TESK2: variants seen among roughly 807,000 people sequenced by gnomAD.
TESK2 encodes the protein testis associated actin remodelling kinase 2, also known as dual specificity testis-specific protein kinase 2.
TESK2 carries 39 observed loss-of-function variants against 57.1 expected under a neutral mutation model. The ratio of observed to expected loss-of-function variants is 0.68; its 90% CI spans 0.53 to 0.89. TESK2 has a LOEUF of 0.89. Ranked by LOEUF, TESK2 falls within the 40% of genes least tolerant of loss-of-function variation. The pLI, the probability that TESK2 is intolerant of heterozygous loss-of-function variation, is 0.00. For synonymous variants in TESK2, 249 were observed against 267.9 expected (o/e 0.93, Z 0.69); for missense variants, 646 against 732.1 (o/e 0.88, Z 1.36).
intron 4 of TESK2, among the ~76,000 whole-genome samples, chr1:45,363,928 AGTT>A (rs1040725598): frequency 3.6e-4 from 55 of 152,298 alleles, no homozygotes; most frequent in African/African-American, 1.3e-3. Flanking sequence ...TAACCCACAG[AGTT>A]GTTGTGAAGA....
chr1:45,409,363 A>G (rs560027172), intron 3 of TESK2, among the ~76,000 whole-genome samples: 10 of 152,324 alleles, frequency 6.6e-5, no homozygotes, highest in African/African-American at 2.2e-4. Context: ...GAAGCAGGGA[A>G]AAAAGCTTAA....
At position 45,462,866 on chromosome 1, in the gene TESK2, G is replaced by A. The variant is rs150760219; in HGVS notation, c.-86-4995C>T. 1.0e-3 allele frequency among the ~76,000 whole-genome samples: 159 copies of A among 152,238 alleles called. 1 individual carries two copies. The East Asian group carries it at 0.026, about 25-fold the overall frequency. On this transcript the variant is annotated intron_variant, in intron 1 of 10. Transcript: ENST00000372086. ...ATTTACATTTCTATCAATAGTGAAC[G>A]AGGGTTCCCTCTTCTCCACATCTTG... is the stretch of plus-strand genomic sequence containing the variant.
chr1:45,461,638 T>C (rs1652337130), intron 1 of TESK2, among the ~76,000 whole-genome samples: 1 of 152,082 alleles, frequency 6.6e-6, no homozygotes, highest in African/African-American at 2.4e-5. Context: ...AAAAAGAAAC[T>C]TTAGAAAAAT....
At chr1:45,399,578 G>C (rs942981195) in intron 3 of TESK2, among the ~76,000 whole-genome samples, 19 of 152,084 alleles carry the variant, frequency 1.2e-4, no homozygotes, top group African/African-American at 4.6e-4. Flanking sequence ...GCCTCCCAAA[G>C]TGCTGGGATT....
At chr1:45,352,367 A>C (rs184143366) in intron 5 of TESK2, among the ~76,000 whole-genome samples, 72 of 152,376 alleles carry the variant, frequency 4.7e-4, no homozygotes, top group Non-Finnish European at 7.3e-5. Context: ...CCCATTCCCC[A>C]TAAGGAAAAG....
chr1:45,408,562 A>G (rs1649931230), intron 3 of TESK2, among the ~76,000 whole-genome samples: 1 of 152,200 alleles, frequency 6.6e-6, no homozygotes, highest in South Asian at 2.1e-4. Flanking sequence ...GCATGAGCCT[A>G]TGGCTCATAT....
chr1:45,429,365 C>G (rs1650855154), intron 2 of TESK2, among the ~76,000 whole-genome samples: 1 of 151,924 alleles, frequency 6.6e-6, no homozygotes, highest in Admixed American at 6.6e-5. Flanking sequence ...CATTGCACTC[C>G]AGCCTGGGTG....
At chr1:45,477,311 T>C (rs561215543) in intron 1 of TESK2, among the ~76,000 whole-genome samples, 4 of 152,160 alleles carry the variant, frequency 2.6e-5, no homozygotes, top group Non-Finnish European at 5.9e-5. Context: ...ATATAATAGA[T>C]GGAATTTCTT....
chr1:45,436,315 G>C (rs565767510), intron 2 of TESK2, among the ~76,000 whole-genome samples: 42 of 147,384 alleles, frequency 2.8e-4, no homozygotes, highest in African/African-American at 9.7e-4. Context: ...CTCCTGAGTA[G>C]CTGGGATTAC....
chr1:45,473,359 C>T (rs997095204), intron 1 of TESK2, among the ~76,000 whole-genome samples: 3 of 152,020 alleles, frequency 2.0e-5, no homozygotes, highest in South Asian at 2.1e-4. Flanking sequence ...AAAGGAAAAA[C>T]GCAAGAATAA....
At chr1:45,350,200 C>T (rs182996747) in intron 5 of TESK2, among the ~76,000 whole-genome samples, 1 of 152,276 alleles carries the variant, frequency 6.6e-6, no homozygotes, top group East Asian at 1.9e-4. Flanking sequence ...ATTCCACTCT[C>T]CATAGTGAGG....
Position 45,415,048 on chromosome 1 carries a change from C to T in TESK2, c.344+6677G>A, listed in dbSNP as rs930188313. 3.9e-5 allele frequency: 48 copies of T among 1,223,326 alleles called. No homozygotes were observed. In the Middle Eastern group the frequency reaches 7.8e-4, roughly 20 times the overall value. 75.8% of individuals were successfully genotyped at this position (1,223,326 alleles called of 1,614,324 possible). A position where few individuals can be genotyped will look rare whatever the true frequency, so the allele number is the denominator to read the frequency against. On this transcript the variant is annotated intron_variant, in intron 3 of 10. Coordinates refer to ENST00000372086, the MANE Select transcript of TESK2 (RefSeq NM_007170.3). Reference sequence around the variant, plus strand: ...TGGTCAACCCCACCATGTTCTTCAACATCACAGTCAAACAGCGAGCCCTTG... The same window carrying T: ...TGGTCAACCCCACCATGTTCTTCAATATCACAGTCAAACAGCGAGCCCTTG...
chr1:45,344,876 G>T lies in TESK2; in HGVS notation c.1680C>A (p.Gly560=). 1 of 1,613,578 alleles carries T rather than the reference G, an allele frequency of 6.2e-7. No homozygotes were observed. Among genetic ancestry groups the T allele is most frequent in the Non-Finnish European group, 8.5e-7 (1 of 1,180,026 alleles). The change falls in exon 11 of 11, where the codon GGC becomes GGA. Residue 560 remains glycine (G), a synonymous_variant. Transcript: ENST00000372086. ...GCTTTCCCTGGGTTTGCAGGCCTATGCCTGAGGTGGAGAAGGTGGCTGGAG... is the reference window on the plus strand; with the variant it reads ...GCTTTCCCTGGGTTTGCAGGCCTATTCCTGAGGTGGAGAAGGTGGCTGGAG... The part of the protein sequence containing the change: ...GSTPATFSTS[G]IGLQTQGKQD...
chr1:45,362,888 CTT>C (rs111868377), intron 4 of TESK2, among the ~76,000 whole-genome samples: 1 of 147,906 alleles, frequency 6.8e-6, no homozygotes, highest in Non-Finnish European at 1.5e-5. Flanking sequence ...TCAACTAACA[CTT>C]TTTTTTTTTC....
At chr1:45,379,638 T>C (rs1344384630) in intron 4 of TESK2, among the ~76,000 whole-genome samples, 1 of 152,190 alleles carries the variant, frequency 6.6e-6, no homozygotes, top group Non-Finnish European at 1.5e-5. Flanking sequence ...TAATACTCTT[T>C]AATAAAGAAA....
At chr1:45,400,093 G>C (rs1186303960) in intron 3 of TESK2, among the ~76,000 whole-genome samples, 3 of 152,172 alleles carry the variant, frequency 2.0e-5, no homozygotes, top group African/African-American at 7.2e-5. Flanking sequence ...TGCAATTAAA[G>C]TTGCTGGTCA....
rs1647140088 is a variant in TESK2 at position 45,346,078 on chromosome 1, G to C, written c.880-84C>G. On this transcript the variant is annotated intron_variant, in intron 9 of 10. Transcript: ENST00000372086. ...ATTTGAGTCTATTTCTGGCATCTTT[G>C]AAGATTCAGATGTGCAGCTGAGAGA... 17 of 1,065,960 alleles carry C rather than the reference G, an allele frequency of 1.6e-5. No homozygotes were observed. The East Asian group carries it at 3.8e-4, about 24-fold the overall frequency. 66.0% of individuals were successfully genotyped at this position (1,065,960 alleles called of 1,614,324 possible). A position where few individuals can be genotyped will look rare whatever the true frequency, so the allele number is the denominator to read the frequency against.
intron 1 of TESK2, among the ~76,000 whole-genome samples, chr1:45,488,356 G>A (rs1048734219): frequency 1.1e-4 from 16 of 152,074 alleles, no homozygotes; most frequent in Admixed American, 8.5e-4. Flanking sequence ...TAATCACATC[G>A]ATAAGGCCAT....
At chr1:45,484,546 G>A (rs1653377184) in intron 1 of TESK2, among the ~76,000 whole-genome samples, 1 of 145,914 alleles carries the variant, frequency 6.9e-6, no homozygotes, top group Non-Finnish European at 1.5e-5. Flanking sequence ...GTCTAGCCTG[G>A]CCAACACGGT....
Sources: gnomAD v4.1 joint callset for allele counts (sites outside exome capture counted in the v4.1 genomes callset) on GRCh38, gnomAD v4.1.1 for gene constraint, MANE v1.5 for transcripts, NCBI Gene and HGNC (gene_info 2026-07-23, HGNC 2026-07-21) for gene names.